The following AK6 variants were observed in gnomAD, a reference collection of about 807,000 sequenced individuals.
The protein encoded by AK6 is adenylate kinase isoenzyme 6.
AK6 carries 24 observed loss-of-function variants against 23.7 expected under a neutral mutation model. The ratio of observed to expected loss-of-function variants is 1.01; its 90% confidence interval spans 0.73 to 1.43. The LOEUF is 1.43. AK6 is among the 40% of genes most tolerant of loss of function. AK6 has a pLI of 0.00. For missense variants in AK6, 191 were observed against 199.1 expected (o/e 0.96, Z 0.24); for synonymous variants, 73 against 69.8 (o/e 1.05, Z -0.23).
chr5:69,361,367 C>T (rs1446064819), intron 2 of AK6, among the ~76,000 whole-genome samples: 1 of 151,886 alleles, frequency 6.6e-6, no homozygotes, highest in African/African-American at 2.4e-5. Context: ...GTGATCTGCC[C>T]ACCTCGGCTC....
chr5:69,361,005 G>C (rs1173334393), intron 2 of AK6, among the ~76,000 whole-genome samples: 1 of 152,158 alleles, frequency 6.6e-6, no homozygotes, highest in East Asian at 1.9e-4. Flanking sequence ...TAGGAACAGA[G>C]GCCGAAGACC....
chr5:69,358,398 G>A (rs984837393), intron 2 of AK6, among the ~76,000 whole-genome samples: 1 of 151,614 alleles, frequency 6.6e-6, no homozygotes, highest in Non-Finnish European at 1.5e-5. Flanking sequence ...GCGGGTGCCT[G>A]TAATCCCAGC....
At chr5:69,355,078 C>T (rs1762047084) in intron 4 of AK6, among the ~76,000 whole-genome samples, 1 of 152,132 alleles carries the variant, frequency 6.6e-6, no homozygotes, top group African/African-American at 2.4e-5. Flanking sequence ...ATCCTCCCAC[C>T]TTGGTCTCCC....
chr5:69,366,793 T>C, intron 1 of AK6, 198 bp from the exon 2 acceptor site: 1 of 559,036 alleles, frequency 1.8e-6, no homozygotes, highest in East Asian at 3.0e-5. Context: ...AGTTTCACTC[T>C]TGTCGCCCAG....
At chr5:69,369,679 C>G, upstream of AK6, 1 of 1,555,374 alleles carries the variant, frequency 6.4e-7, no homozygotes, top group Non-Finnish European at 8.7e-7. Flanking sequence ...GACACATTTC[C>G]GTCGCAAAGT....
intron 1 of AK6, chr5:69,369,196 C>A (rs985902374): frequency 2.0e-5 from 10 of 489,320 alleles, no homozygotes; most frequent in Non-Finnish European, 2.5e-5. Context: ...GGTTGCCAAG[C>A]TGGAGAGCTG....
intron 1 of AK6, chr5:69,368,707 TAG>T (rs1210393033): frequency 6.6e-6 from 1 of 152,196 alleles, no homozygotes; most frequent in Non-Finnish European, 1.5e-5. Flanking sequence ...CTACATGCAT[TAG>T]ATTTTTCCAC....
chr5:69,359,276 C>T (rs969582836), intron 2 of AK6, among the ~76,000 whole-genome samples: 1 of 151,510 alleles, frequency 6.6e-6, no homozygotes, highest in Non-Finnish European at 1.5e-5. Flanking sequence ...CAGAGTTTCA[C>T]TCTCGTCACC....
intron 1 of AK6, among the ~76,000 whole-genome samples, chr5:69,368,649 T>G (rs1367034028): frequency 6.6e-6 from 1 of 152,258 alleles, no homozygotes; most frequent in African/African-American, 2.4e-5. Flanking sequence ...GATGTAACTT[T>G]ACTGTTCCCA....
chr5:69,365,318 C>G, intron 2 of AK6: 2 of 1,614,146 alleles, frequency 1.2e-6, no homozygotes, highest in Non-Finnish European at 1.7e-6. Flanking sequence ...TTATTCTTCC[C>G]GCAGAAGTTG....
At position 69,352,261 on chromosome 5, in the gene AK6, G is replaced by A; in HGVS notation, c.327-8C>T. ...TTCTTCTCATTATAACCCCTAGAAG[G>A]CAGGGAGGTTAAGCAAACAAGAAGC... is the stretch of plus-strand genomic sequence containing the variant. On this transcript the variant is annotated splice_polypyrimidine_tract_variant and splice_region_variant and intron_variant, in intron 4 of 4. Coordinates refer to ENST00000380822, the MANE Select transcript of AK6 (RefSeq NM_016283.5). 13 of 1,598,630 alleles carry A rather than the reference G, an allele frequency of 8.1e-6. No individual in the cohort carries two copies. Among genetic ancestry groups the A allele is most frequent in the Non-Finnish European group, 1.1e-5 (13 of 1,171,902 alleles).
In AK6 at chr5:69,367,387, G is replaced by A. The variant is rs1207080636; in HGVS notation, c.29-792C>T. Reference sequence around the variant, plus strand: ...TAGCCGGGCGTGGTGGCGCGTGCCTGTAATCCCAGCTACTCAGGAGGCTGA... The same window carrying A: ...TAGCCGGGCGTGGTGGCGCGTGCCTATAATCCCAGCTACTCAGGAGGCTGA... On this transcript the variant is annotated intron_variant, in intron 1 of 4. Transcript: ENST00000380822. Among the ~76,000 whole-genome samples, 10 of 151,198 alleles carry A rather than the reference G, an allele frequency of 6.6e-5. No homozygotes were observed. The South Asian group carries it at 1.7e-3, about 25-fold the overall frequency.
chr5:69,362,484 A>G (rs1762266128), intron 2 of AK6, among the ~76,000 whole-genome samples: 1 of 152,226 alleles, frequency 6.6e-6, no homozygotes, highest in Non-Finnish European at 1.5e-5. Context: ...TGGTATGTCA[A>G]ACCTTACAAA....
At chr5:69,352,946 A>C (rs1188353394) in intron 4 of AK6, among the ~76,000 whole-genome samples, 1 of 152,260 alleles carries the variant, frequency 6.6e-6, no homozygotes, top group African/African-American at 2.4e-5. Context: ...AACATGTGCA[A>C]GAATGTTTAT....
At chr5:69,352,475 T>C (rs1052652913) in intron 4 of AK6, among the ~76,000 whole-genome samples, 97 of 150,152 alleles carry the variant, frequency 6.5e-4, no homozygotes, top group Middle Eastern at 3.4e-3. Context: ...TGTTTGAATT[T>C]CCCCCCCCCA....
intron 4 of AK6, among the ~76,000 whole-genome samples, chr5:69,353,585 C>T (rs1169962450): frequency 6.6e-6 from 1 of 151,936 alleles, no homozygotes; most frequent in Non-Finnish European, 1.5e-5. Context: ...CGTGAGCCAC[C>T]GCGCCCACCC....
intron 2 of AK6, among the ~76,000 whole-genome samples, chr5:69,364,287 T>C (rs556582047): frequency 2.0e-5 from 3 of 151,946 alleles, no homozygotes; most frequent in South Asian, 2.1e-4. Flanking sequence ...TACTGGCTTA[T>C]AGTATCAGGA....
At chr5:69,364,350 A>T (rs1487653098) in intron 2 of AK6, among the ~76,000 whole-genome samples, 1 of 151,694 alleles carries the variant, frequency 6.6e-6, no homozygotes, top group East Asian at 1.9e-4. Flanking sequence ...ACACTTATAA[A>T]TTTTTTTTTA....
At chr5:69,366,670 C>G in intron 1 of AK6, 75 bp from the exon 2 acceptor site, 2 of 1,120,582 alleles carry the variant, frequency 1.8e-6, no homozygotes, top group Non-Finnish European at 2.7e-6. Context: ...TCTGCCTTTC[C>G]TTTTATTTTT....
Sources: allele counts gnomAD v4.1 joint callset (sites outside exome capture counted in the v4.1 genomes callset), GRCh38; gene constraint gnomAD v4.1.1; transcripts MANE v1.5; gene names NCBI Gene and HGNC (gene_info 2026-07-23, HGNC 2026-07-21).